Variants in AFG2A observed in about 807,000 individuals in gnomAD.
AFG2A encodes the protein ATPase family gene 2 protein homolog A.
At chr4:123,284,479 T>C in the AFG2A span, among the ~76,000 whole-genome samples, 1 of 152,214 alleles carries the variant, frequency 6.6e-6, no homozygotes, top group Non-Finnish European at 1.5e-5. Flanking sequence ...AGTCAGTATT[T>C]TTCATTTGTT....
At chr4:123,184,532 C>CTTTTTTTTTTT in the AFG2A span, among the ~76,000 whole-genome samples, 184 of 89,270 alleles carry the variant, frequency 2.1e-3, 9 homozygotes, top group African/African-American at 7.2e-3. Flanking sequence ...ATGATCATTT[C>CTTTTTTTTTTT]TTTTTTTTTT....
the AFG2A span, among the ~76,000 whole-genome samples, chr4:123,039,432 A>AC: frequency 3.3e-5 from 5 of 151,766 alleles, no homozygotes; most frequent in South Asian, 8.4e-4. Context: ...ATTTCTTACC[A>AC]CCCCTAACCC....
the AFG2A span, among the ~76,000 whole-genome samples, chr4:123,097,539 C>T: frequency 1.8e-4 from 28 of 152,210 alleles, no homozygotes; most frequent in African/African-American, 6.3e-4. Flanking sequence ...GCGTCCTGTA[C>T]GGTTGTTTTC....
chr4:123,172,994 G>C, the AFG2A span, among the ~76,000 whole-genome samples: 1 of 152,122 alleles, frequency 6.6e-6, no homozygotes, highest in African/African-American at 2.4e-5. Context: ...AAGTAAATAT[G>C]TAAAAATGTA....
At chr4:123,193,670 T>A in the AFG2A span, among the ~76,000 whole-genome samples, 2 of 152,236 alleles carry the variant, frequency 1.3e-5, no homozygotes, top group Non-Finnish European at 1.5e-5. Flanking sequence ...GCGAAGAAGA[T>A]GTATTTTAAC....
At chr4:123,226,282 C>T in the AFG2A span, among the ~76,000 whole-genome samples, 2 of 152,176 alleles carry the variant, frequency 1.3e-5, no homozygotes, top group Non-Finnish European at 2.9e-5. Context: ...GCATCCCTGT[C>T]TTGTGCCAGT....
the AFG2A span, among the ~76,000 whole-genome samples, chr4:123,076,997 T>TTGTGTGGTGTGTGCA: frequency 6.8e-6 from 1 of 147,914 alleles, no homozygotes; most frequent in African/African-American, 2.5e-5. Context: ...GGCGGGGGGG[T>TTGTGTGGTGTGTGCA]TGTGTGGTGT....
At chr4:123,107,608 G>A in the AFG2A span, among the ~76,000 whole-genome samples, 1 of 152,188 alleles carries the variant, frequency 6.6e-6, no homozygotes, top group Admixed American at 6.5e-5. Context: ...CTTGAAGGTG[G>A]GGTTTCACCA....
the AFG2A span, among the ~76,000 whole-genome samples, chr4:123,101,849 A>G: frequency 6.6e-6 from 1 of 151,948 alleles, no homozygotes; most frequent in African/African-American, 2.4e-5. Flanking sequence ...TGCCTTATAC[A>G]GAGTGTGATA....
the AFG2A span, among the ~76,000 whole-genome samples, chr4:122,985,609 C>T: frequency 2.0e-5 from 3 of 152,170 alleles, no homozygotes; most frequent in East Asian, 5.8e-4. Flanking sequence ...TTTTGTATTT[C>T]AGTGGTATCA....
the AFG2A span, among the ~76,000 whole-genome samples, chr4:123,115,129 G>T: frequency 1.3e-5 from 2 of 152,052 alleles, no homozygotes; most frequent in Non-Finnish European, 2.9e-5. Flanking sequence ...CCAGGCCATC[G>T]CTGGGCTGGG....
chr4:122,923,404 T>C, the AFG2A span: 5 of 1,512,526 alleles, frequency 3.3e-6, no homozygotes, highest in South Asian at 5.0e-5. Context: ...CTTTTGAAAG[T>C]TGGGCGTGGC....
At chr4:122,969,296 C>T in the AFG2A span, among the ~76,000 whole-genome samples, 1 of 152,004 alleles carries the variant, frequency 6.6e-6, no homozygotes, top group Admixed American at 6.6e-5. Flanking sequence ...TTAATTGCTT[C>T]ACTTTTTTTC....
chr4:123,111,927 T>G, the AFG2A span, among the ~76,000 whole-genome samples: 5 of 152,150 alleles, frequency 3.3e-5, no homozygotes, highest in African/African-American at 4.8e-5. Context: ...TTCACCATGT[T>G]GGCCAGGCTG....
chr4:123,056,283 TTTTG>T, the AFG2A span: 1 of 1,032,530 alleles, frequency 9.7e-7, no homozygotes, highest in East Asian at 2.9e-5. Flanking sequence ...AATAAGCAGA[TTTTG>T]TTTATTTTCT....
At chr4:123,255,500 GA>G in the AFG2A span, among the ~76,000 whole-genome samples, 37 of 139,976 alleles carry the variant, frequency 2.6e-4, no homozygotes, top group South Asian at 7.0e-4. Context: ...GTCTCAAAAA[GA>G]AAAAAAAAAA....
chr4:123,163,678 C>G, the AFG2A span, among the ~76,000 whole-genome samples: 1 of 152,194 alleles, frequency 6.6e-6, no homozygotes, highest in Admixed American at 6.5e-5. Flanking sequence ...TCCACAGTCC[C>G]TGAGGGAAGG....
chr4:123,137,511 C>T, the AFG2A span, among the ~76,000 whole-genome samples: 2 of 152,206 alleles, frequency 1.3e-5, no homozygotes, highest in Non-Finnish European at 2.9e-5. Flanking sequence ...CAGATTTTAA[C>T]ACAATCAATC....
chr4:123,122,017 C>T, the AFG2A span, among the ~76,000 whole-genome samples: 1 of 152,142 alleles, frequency 6.6e-6, no homozygotes, highest in African/African-American at 2.4e-5. Context: ...TGACCCAGCC[C>T]TCATTGCACT....
Sources: allele counts gnomAD v4.1 joint callset (sites outside exome capture counted in the v4.1 genomes callset), GRCh38; gene constraint gnomAD v4.1.1; transcripts MANE v1.5; gene names NCBI Gene and HGNC (gene_info 2026-07-23, HGNC 2026-07-21).